Variants in AFAP1L2 observed in about 807,000 individuals in gnomAD.
The protein encoded by AFAP1L2 is actin filament associated protein 1 like 2.
AFAP1L2 carries 46 observed loss-of-function variants against 99.3 expected under a neutral mutation model. The ratio of observed to expected loss-of-function variants is 0.46; its 90% CI spans 0.37 to 0.59. AFAP1L2 has a LOEUF of 0.59. Among genes scored for constraint, AFAP1L2 ranks in the 20% least tolerant of loss-of-function variants. The probability of loss-of-function intolerance (pLI) is 0.00; values close to 1 mark genes in which losing one functional copy is unlikely to be tolerated. For synonymous variants in AFAP1L2, 397 were observed against 419.1 expected (o/e 0.95, Z 0.64); for missense variants, 959 against 1,034.9 (o/e 0.93, Z 1.01).
chr10:114,384,174 G>C (rs2056155366), intron 1 of AFAP1L2, among the ~76,000 whole-genome samples: 1 of 152,216 alleles, frequency 6.6e-6, no homozygotes, highest in Non-Finnish European at 1.5e-5. Flanking sequence ...CCAGAAGGCA[G>C]TGCGTGAGAG....
chr10:114,394,867 C>T (rs943740430), intron 1 of AFAP1L2, among the ~76,000 whole-genome samples: 1 of 152,176 alleles, frequency 6.6e-6, no homozygotes, highest in Non-Finnish European at 1.5e-5. Context: ...GCTCAAGTAC[C>T]TGCCCCTGCT....
At chr10:114,318,030 A>G (rs1564849035) in intron 5 of AFAP1L2, among the ~76,000 whole-genome samples, 1 of 152,242 alleles carries the variant, frequency 6.6e-6, no homozygotes, top group Non-Finnish European at 1.5e-5. Context: ...GCAGCTGGAT[A>G]AACTCCCTAA....
intron 4 of AFAP1L2, among the ~76,000 whole-genome samples, chr10:114,326,252 A>C (rs1404092446): frequency 2.0e-5 from 3 of 152,176 alleles, no homozygotes; most frequent in African/African-American, 2.4e-5. Flanking sequence ...TATCAAGCCC[A>C]GGAGTATGGG....
intron 1 of AFAP1L2, among the ~76,000 whole-genome samples, chr10:114,346,947 T>G (rs1228245214): frequency 6.6e-6 from 1 of 152,206 alleles, no homozygotes; most frequent in East Asian, 1.9e-4. Context: ...TTCCCAACCA[T>G]AAACGTCTTC....
the AFAP1L2 span, chr10:114,284,795 C>T: frequency 1.4e-6 from 2 of 1,469,976 alleles, no homozygotes; most frequent in Middle Eastern, 2.4e-4. Flanking sequence ...TGCACCCACA[C>T]CTCTGGCCAG....
chr10:114,351,865 A>G (rs1345619651), intron 1 of AFAP1L2, among the ~76,000 whole-genome samples: 1 of 152,116 alleles, frequency 6.6e-6, no homozygotes, highest in Non-Finnish European at 1.5e-5. Flanking sequence ...CCAGATTCAA[A>G]TTGCCTAAAT....
Position 114,404,439 on chromosome 10 carries a change from C to A in AFAP1L2, c.16+1G>T, listed in dbSNP as rs1356444462. 5.2e-6 allele frequency: 8 copies of A among 1,542,726 alleles called. No individual in the cohort carries two copies. The highest frequency in any genetic ancestry group is 7.0e-6 in the Non-Finnish European group (8 of 1,146,154). ...GCCGCGCGAGGAACCCGCGCCCTCA[C>A]CTTTGTACCGCTCCATCGGGGCCAC... On this transcript the variant is annotated splice_donor_variant, in intron 1 of 18. Transcript: ENST00000304129. LOFTEE classifies it high-confidence loss of function.
chr10:114,326,287 C>A (rs2046281185), intron 4 of AFAP1L2, among the ~76,000 whole-genome samples: 1 of 152,208 alleles, frequency 6.6e-6, no homozygotes, highest in South Asian at 2.1e-4. Context: ...TTTCTCCCCT[C>A]CCCATTCCTG....
intron 5 of AFAP1L2, among the ~76,000 whole-genome samples, chr10:114,319,316 G>A (rs1260688747): frequency 1.3e-5 from 2 of 149,324 alleles, no homozygotes; most frequent in African/African-American, 2.5e-5. Context: ...TGGAACTGAG[G>A]GCAGAACAGC....
chr10:114,387,613 G>A (rs567292572), intron 1 of AFAP1L2, among the ~76,000 whole-genome samples: 1 of 152,222 alleles, frequency 6.6e-6, no homozygotes, highest in African/African-American at 2.4e-5. Flanking sequence ...AATCCCCAAG[G>A]AAAAAGCTAT....
Position 114,294,982 on chromosome 10 carries a change from G to A in AFAP1L2, c.*1060C>T. 1.0e-6 allele frequency: 1 copy of A among 975,932 alleles called. No individual in the cohort carries two copies. The allele number at this position is 975,932 out of a possible 1,614,324, so 60.5% of individuals were successfully genotyped here. On this transcript the variant is annotated 3_prime_UTR_variant, in exon 19 of 19. Coordinates refer to ENST00000304129, the MANE Select transcript of AFAP1L2 (RefSeq NM_001001936.3). The stretch of plus-strand genomic sequence containing the variant: ...TGATACACAACCCTCCAGAAATGAG[G>A]CAGAGATAATAGATGAAATGTTTCA...
rs964953157 is a variant in AFAP1L2 at position 114,377,233 on chromosome 10, A to G, written c.16+27207T>C. Among the ~76,000 whole-genome samples, 4 of 152,262 alleles carry G rather than the reference A, an allele frequency of 2.6e-5. No homozygotes were observed. Among genetic ancestry groups the G allele is most frequent in the African/African-American group, 9.6e-5 (4 of 41,474 alleles). On this transcript the variant is annotated intron_variant, in intron 1 of 18. Transcript: ENST00000304129. This position sits in a 1 kb window ranked among gnomAD's most constrained non-coding sequence, Gnocchi z 4.0. ...AACCTAGCACACAAACAGTTATCAC[A>G]CAAGTGTAGCAGAAGGAATGTTTTA...
intron 4 of AFAP1L2, among the ~76,000 whole-genome samples, chr10:114,325,045 G>C (rs2046039466): frequency 6.6e-6 from 1 of 152,152 alleles, no homozygotes; most frequent in African/African-American, 2.4e-5. Context: ...GCCCAGTCCT[G>C]TGTGGTTTGG....
At chr10:114,315,444 G>T in intron 6 of AFAP1L2, 116 bp downstream of exon 6, 1 of 1,026,254 alleles carries the variant, frequency 9.7e-7, no homozygotes, top group Non-Finnish European at 1.4e-6. Context: ...AAAATCTCCT[G>T]ACATAAACAA....
chr10:114,290,292 C>A, downstream of AFAP1L2: 1 of 1,550,558 alleles, frequency 6.4e-7, no homozygotes. Context: ...TGAATGAGGG[C>A]AGCTGCGTCC....
chr10:114,286,520 C>T, the AFAP1L2 span: 2 of 1,551,754 alleles, frequency 1.3e-6, no homozygotes, highest in African/African-American at 2.7e-5. Flanking sequence ...AGGTAAGGTC[C>T]CAGTGCCTGA....
intron 1 of AFAP1L2, among the ~76,000 whole-genome samples, chr10:114,369,294 T>C (rs2053752414): frequency 6.6e-6 from 1 of 152,092 alleles, no homozygotes; most frequent in Non-Finnish European, 1.5e-5. Context: ...TCTGTCTCTA[T>C]TTAAAAAAAC....
intron 15 of AFAP1L2, 38 bp from the exon 16 acceptor site, chr10:114,299,453 C>G: frequency 6.2e-7 from 1 of 1,610,908 alleles, no homozygotes; most frequent in Non-Finnish European, 8.5e-7. Context: ...GTAAGCAGAG[C>G]TGGATCATGA....
chr10:114,395,603 T>C lies in AFAP1L2; in HGVS notation c.16+8837A>G, dbSNP rs116397615. On this transcript the variant is annotated intron_variant, in intron 1 of 18. Transcript: ENST00000304129. Reference sequence around the variant, plus strand: ...GTGAACATGAATAAATCCTGTTGTATAAAAACTGGGGGAGAAAAAAACGGG... The same window carrying C: ...GTGAACATGAATAAATCCTGTTGTACAAAAACTGGGGGAGAAAAAAACGGG... Among the ~76,000 whole-genome samples, 885 of 151,162 alleles carry C rather than the reference T, an allele frequency of 5.9e-3. 11 individuals carry two copies. Among genetic ancestry groups the C allele is most frequent in the African/African-American group, 0.021 (849 of 41,286 alleles).
Sources: allele counts gnomAD v4.1 joint callset (sites outside exome capture counted in the v4.1 genomes callset), GRCh38; gene constraint gnomAD v4.1.1; non-coding constraint Gnocchi (gnomAD v3.1); transcripts MANE v1.5; gene names NCBI Gene and HGNC (gene_info 2026-07-23, HGNC 2026-07-21).